GALNT10: variants seen among roughly 807,000 people sequenced by gnomAD.
GALNT10 encodes polypeptide N-acetylgalactosaminyltransferase 10.
Under a neutral mutation model 75.0 loss-of-function variants are expected in GALNT10, and 41 were observed. The observed-to-expected ratio is 0.55, with a 90% CI of 0.43 to 0.71. The LOEUF (loss-of-function observed/expected upper bound fraction) is 0.71, where lower values mean the gene tolerates loss of function less well. Ranked by LOEUF, GALNT10 falls within the 30% of genes least tolerant of loss-of-function variation. The probability of loss-of-function intolerance (pLI) is 0.00; values close to 1 mark genes in which losing one functional copy is unlikely to be tolerated. For missense variants in GALNT10, 727 were observed against 818.5 expected, an observed-to-expected ratio of 0.89 and a Z score of 1.36; for synonymous variants, 302 against 313.0, an observed-to-expected ratio of 0.96 and a Z score of 0.37.
intron 1 of GALNT10, among the ~76,000 whole-genome samples, chr5:154,241,367 T>C (rs1205156475): frequency 5.3e-5 from 8 of 152,174 alleles, no homozygotes; most frequent in Non-Finnish European, 7.4e-5. Flanking sequence ...CATAATCTCA[T>C]TATAGAAAGT....
chr5:154,216,013 T>C (rs1752867430), intron 1 of GALNT10, among the ~76,000 whole-genome samples: 1 of 152,204 alleles, frequency 6.6e-6, no homozygotes, highest in Non-Finnish European at 1.5e-5. Flanking sequence ...TCTCCTCTCT[T>C]TCCCCTCTGA....
chr5:154,195,767 C>T (rs1561625028), intron 1 of GALNT10, among the ~76,000 whole-genome samples: 1 of 152,208 alleles, frequency 6.6e-6, no homozygotes, highest in Non-Finnish European at 1.5e-5. Flanking sequence ...TTTGATCCTT[C>T]TCTACCATTA....
chr5:154,348,765 A>G (rs1755164511), intron 4 of GALNT10, among the ~76,000 whole-genome samples: 1 of 152,198 alleles, frequency 6.6e-6, no homozygotes, highest in Admixed American at 6.5e-5. Flanking sequence ...GGACCCTATG[A>G]TGACTTTCTT....
At chr5:154,321,998 C>T (rs909918154) in intron 3 of GALNT10, among the ~76,000 whole-genome samples, 8 of 152,170 alleles carry the variant, frequency 5.3e-5, no homozygotes, top group Admixed American at 4.6e-4. Context: ...GACGACTCCT[C>T]GTGTATTTGT....
chr5:154,310,150 A>G (rs1754491563), intron 3 of GALNT10, among the ~76,000 whole-genome samples: 1 of 152,128 alleles, frequency 6.6e-6, no homozygotes, highest in South Asian at 2.1e-4. Flanking sequence ...CCCTCCATAG[A>G]ATAGAGACAG....
At chr5:154,232,223 C>A (rs1454678658) in intron 1 of GALNT10, among the ~76,000 whole-genome samples, 1 of 152,186 alleles carries the variant, frequency 6.6e-6, no homozygotes, top group Non-Finnish European at 1.5e-5. Flanking sequence ...TAGGTCTTTT[C>A]TTTTATTTTC....
intron 1 of GALNT10, among the ~76,000 whole-genome samples, chr5:154,259,919 G>A (rs1753677525): frequency 6.6e-6 from 1 of 152,004 alleles, no homozygotes; most frequent in African/African-American, 2.4e-5. Context: ...CTAAATCTAG[G>A]GAATATAAAA....
In GALNT10 at chr5:154,298,054, T is replaced by C; in HGVS notation, c.376T>C (p.Ser126Pro). 1 of 1,613,366 alleles carries C rather than the reference T, an allele frequency of 6.2e-7. No homozygotes were observed. ...CAGTGATAAAATCTCCTTGAATCGCTCTCTCCCAGATATCCGGCACCCAAA... is the reference window on the plus strand; with the variant it reads ...CAGTGATAAAATCTCCTTGAATCGCCCTCTCCCAGATATCCGGCACCCAAA... Reference protein sequence around the residue: ...YVSDKISLNRSLPDIRHPNCN... With the variant: ...YVSDKISLNRPLPDIRHPNCN... The change falls in exon 3 of 12, where the codon TCT becomes CCT. Residue 126 changes from serine (S) to proline (P), a missense_variant. Physicochemically the swap from Ser to Pro is moderately conservative, Grantham distance 74. Coordinates refer to ENST00000297107, the MANE Select transcript of GALNT10 (RefSeq NM_198321.4). The surrounding 1 kb of genome is among the most constrained non-coding windows in gnomAD (Gnocchi z 4.1).
At chr5:154,406,723 G>A (rs879511436) in intron 8 of GALNT10, among the ~76,000 whole-genome samples, 1 of 152,162 alleles carries the variant, frequency 6.6e-6, no homozygotes, top group Non-Finnish European at 1.5e-5. Flanking sequence ...CTTGAACCCG[G>A]GAGGCGGAAG....
chr5:154,297,006 T>A lies in GALNT10; in HGVS notation c.263-935T>A, dbSNP rs150404024. Among the ~76,000 whole-genome samples, 425 of 152,314 alleles carry A rather than the reference T, an allele frequency of 2.8e-3. 1 individual carries two copies. Among genetic ancestry groups the A allele is most frequent in the Non-Finnish European group, 5.1e-3 (344 of 68,022 alleles). On this transcript the variant is annotated intron_variant, in intron 2 of 11. Coordinates refer to ENST00000297107, the MANE Select transcript of GALNT10 (RefSeq NM_198321.4). ...ATGTTTACTTTGCAGAGTAAATAGGTGTTGCTCAGTCCACAAGCTCCAGAA... is the reference window on the plus strand; with the variant it reads ...ATGTTTACTTTGCAGAGTAAATAGGAGTTGCTCAGTCCACAAGCTCCAGAA...
intron 1 of GALNT10, among the ~76,000 whole-genome samples, chr5:154,254,841 C>G (rs1753582975): frequency 6.6e-6 from 1 of 152,150 alleles, no homozygotes; most frequent in South Asian, 2.1e-4. Flanking sequence ...ACAAGAAGTT[C>G]AGGGGCAGGT....
intron 4 of GALNT10, among the ~76,000 whole-genome samples, chr5:154,369,382 C>T (rs924810734): frequency 7.9e-5 from 12 of 151,910 alleles, no homozygotes; most frequent in African/African-American, 2.4e-4. Context: ...AGTGAGACCT[C>T]GTCTCAAAAA....
intron 1 of GALNT10, among the ~76,000 whole-genome samples, chr5:154,254,270 G>T (rs1360314502): frequency 6.6e-6 from 1 of 152,142 alleles, no homozygotes; most frequent in Non-Finnish European, 1.5e-5. Context: ...TGCTTTGTGT[G>T]TGTTTCTGTG....
intron 1 of GALNT10, among the ~76,000 whole-genome samples, chr5:154,272,780 A>G (rs1753886266): frequency 6.6e-6 from 1 of 152,216 alleles, no homozygotes; most frequent in South Asian, 2.1e-4. Context: ...TAGAGAGTCC[A>G]ATAAGTGTTA....
chr5:154,403,508 G>T (rs572821458), intron 7 of GALNT10, among the ~76,000 whole-genome samples: 3 of 152,198 alleles, frequency 2.0e-5, no homozygotes, highest in African/African-American at 7.2e-5. Context: ...GGAGGCTGAC[G>T]GAACTGCTCA....
At chr5:154,403,830 C>A in intron 7 of GALNT10, 1 of 463,584 alleles carries the variant, frequency 2.2e-6, no homozygotes, top group African/African-American at 2.0e-5. Context: ...AATGTTACTA[C>A]CTACTTTATA....
intron 1 of GALNT10, among the ~76,000 whole-genome samples, chr5:154,252,974 GTTT>G (rs1753547655): frequency 3.6e-5 from 1 of 27,730 alleles, no homozygotes; most frequent in East Asian, 6.6e-3. Context: ...ACTGTTTTTT[GTTT>G]GTTTGGTTGG....
intron 3 of GALNT10, among the ~76,000 whole-genome samples, chr5:154,314,093 G>T (rs187811228): frequency 2.8e-4 from 42 of 152,306 alleles, no homozygotes; most frequent in Admixed American, 2.5e-3. Flanking sequence ...CCTCTGTAAA[G>T]TGGAAACTAA....
Position 154,298,186 on chromosome 5 carries a change from C to A in GALNT10, c.401+107C>A. 1 of 977,646 alleles carries A rather than the reference C, an allele frequency of 1.0e-6. No homozygotes were observed. The highest frequency in any genetic ancestry group is 1.6e-6 in the Non-Finnish European group (1 of 636,724). The allele number at this position is 977,646 out of a possible 1,614,324, so 60.6% of individuals were successfully genotyped here. On this transcript the variant is annotated intron_variant, in intron 3 of 11. Transcript: ENST00000297107. The surrounding 1 kb of genome is among the most constrained non-coding windows in gnomAD (Gnocchi z 4.1). The stretch of plus-strand genomic sequence containing the variant: ...ATGGAGCCCTGCTGACGGAGACACC[C>A]TCCTCTTTCACAGGCATTTGTGCAA...
Sources: gnomAD v4.1 joint callset for allele counts (sites outside exome capture counted in the v4.1 genomes callset) on GRCh38, gnomAD v4.1.1 for gene constraint, Gnocchi (gnomAD v3.1) non-coding constraint, MANE v1.5 for transcripts, NCBI Gene and HGNC (gene_info 2026-07-23, HGNC 2026-07-21) for gene names.